Variants in SNRPN observed in about 807,000 individuals in gnomAD.
The protein encoded by SNRPN is small nuclear ribonucleoprotein polypeptide N.
Under a neutral mutation model 25.2 loss-of-function variants are expected in SNRPN, and 7 were observed. That is an observed-to-expected ratio of 0.28 (90% confidence interval 0.16 to 0.52). The LOEUF is 0.52. SNRPN is among the 20% of genes least tolerant of loss of function. The pLI, the probability that SNRPN is intolerant of heterozygous loss-of-function variation, is 0.96. For missense variants in SNRPN, 196 were observed against 322.5 expected (o/e 0.61, Z 3.00); for synonymous variants, 124 against 110.6 (o/e 1.12, Z -0.76).
chr15:24,832,363 G>A (rs61994674), intron 2 of SNRPN, among the ~76,000 whole-genome samples: 24,765 of 152,050 alleles, frequency 0.16, 2,584 homozygotes, highest in East Asian at 0.41. Flanking sequence ...AGGGATTACT[G>A]ACATGGTTGT....
intron 2 of SNRPN, among the ~76,000 whole-genome samples, chr15:24,899,493 C>G (rs905524811): frequency 1.3e-5 from 2 of 152,166 alleles, no homozygotes; most frequent in Non-Finnish European, 2.9e-5. Flanking sequence ...TGTGGTCTCT[C>G]AGCCGTTTCC....
chr15:24,841,527 G>A (rs1220379729), intron 2 of SNRPN, among the ~76,000 whole-genome samples: 1 of 152,070 alleles, frequency 6.6e-6, no homozygotes, highest in Non-Finnish European at 1.5e-5. Flanking sequence ...TGTGGGTTCC[G>A]GTATCCAAGC....
At chr15:24,846,664 G>C (rs2052228668) in intron 2 of SNRPN, among the ~76,000 whole-genome samples, 1 of 152,232 alleles carries the variant, frequency 6.6e-6, no homozygotes, top group South Asian at 2.1e-4. Context: ...TATTCAGGTA[G>C]AGACCAGGGT....
rs745915220 is a variant in SNRPN at position 24,976,291 on chromosome 15, A to T, written c.156-14A>T. ...CTAAAATTTATCTCACTAAAATTTA[A>T]TTCTGATTTGTAGGCCAAAGAATGC... On this transcript the variant is annotated splice_polypyrimidine_tract_variant and intron_variant, in intron 5 of 9. Transcript: ENST00000390687. The T allele has an allele frequency of 1.9e-6, 3 of 1,608,130 alleles. No homozygotes were observed. The highest frequency in any genetic ancestry group is 2.6e-6 in the Non-Finnish European group (3 of 1,174,700).
rs1472618582 is a variant in SNRPN, at chr15:24,923,931, T to A, written c.-391+3807T>A. Among the ~76,000 whole-genome samples the A allele has an allele frequency of 8.9e-4, 116 of 130,778 alleles. 2 individuals are homozygous for A. The highest frequency in any genetic ancestry group is 2.4e-3 in the African/African-American group (84 of 35,052). 85.8% of individuals were successfully genotyped at this position (130,778 alleles called of 152,430 possible). ...TGTGTGTGTATATAAACATTTTTTT[T>A]TTTTTTTTTTTTTTTTTGAGATGGA... On this transcript the variant is annotated intron_variant, in intron 3 of 11. Coordinates refer to the SNRPN transcript ENST00000400097.
chr15:24,976,813 A>G, intron 6 of SNRPN, 64 bp from the exon 7 acceptor site: 1 of 1,436,310 alleles, frequency 7.0e-7, no homozygotes, highest in Non-Finnish European at 9.7e-7. Context: ...GTGATCTCTG[A>G]TGAATAAGAA....
chr15:24,942,399 G>C (rs1425428396), intron 3 of SNRPN: 1 of 152,208 alleles, frequency 6.6e-6, no homozygotes, highest in African/African-American at 2.4e-5. Flanking sequence ...TACTGTAACT[G>C]AATCTTCAAA....
At chr15:24,954,526 G>A (rs1345377556), upstream of SNRPN, among the ~76,000 whole-genome samples, 1 of 152,154 alleles carries the variant, frequency 6.6e-6, no homozygotes, top group Non-Finnish European at 1.5e-5. Context: ...CATGCTTTTA[G>A]AGTTAGGGAT....
intron 3 of SNRPN, among the ~76,000 whole-genome samples, chr15:24,948,674 C>A (rs2062032132): frequency 2.0e-5 from 3 of 152,068 alleles, no homozygotes; most frequent in African/African-American, 7.2e-5. Context: ...GACATTTTCT[C>A]ACTTTGTTTT....
At chr15:24,945,447 G>A (rs1405725730) in intron 3 of SNRPN, among the ~76,000 whole-genome samples, 1 of 151,722 alleles carries the variant, frequency 6.6e-6, no homozygotes, top group Non-Finnish European at 1.5e-5. Flanking sequence ...GCTGAGGCAG[G>A]AGGATCACTT....
At chr15:24,884,038 A>G (rs968339791) in intron 1 of SNRPN, among the ~76,000 whole-genome samples, 4 of 149,226 alleles carry the variant, frequency 2.7e-5, no homozygotes, top group Non-Finnish European at 3.0e-5. Flanking sequence ...AGGGCTGGGC[A>G]TGGTGGCTCA....
intron 1 of SNRPN, among the ~76,000 whole-genome samples, chr15:24,879,229 G>A (rs1566860564): frequency 2.0e-5 from 3 of 152,054 alleles, no homozygotes; most frequent in African/African-American, 2.4e-5. Context: ...GAGCTCGGGG[G>A]TTCGAGACCA....
intron 1 of SNRPN, among the ~76,000 whole-genome samples, chr15:24,881,526 C>CGAGAGAGA (rs758798894): frequency 1.9e-4 from 14 of 72,496 alleles, no homozygotes; most frequent in Non-Finnish European, 2.9e-4. Context: ...AGCGAAACTC[C>CGAGAGAGA]GAGAGAGAGA....
chr15:24,977,869 G>A lies in SNRPN; in HGVS notation c.512G>A (p.Gly171Glu). ...GGAGCCCCAACACAGTACCCACCAG[G>A]ACGGGGCACTCCGCCCCCACCCGTC... is the stretch of plus-strand genomic sequence containing the variant. ...IAGAPTQYPP[G>E]RGTPPPPVGR... Residue 171 changes from glycine to glutamate, a missense_variant, in exon 8 of 10, where the codon GGA (glycine) becomes GAA (glutamate). Gly to Glu is a moderately conservative substitution (Grantham distance 98). Transcript: ENST00000390687. 1 of 1,609,648 alleles carries A rather than the reference G, an allele frequency of 6.2e-7. No homozygotes were observed.
chr15:24,880,381 A>G (rs1001056168), intron 1 of SNRPN, among the ~76,000 whole-genome samples: 5 of 152,138 alleles, frequency 3.3e-5, no homozygotes, highest in African/African-American at 2.4e-5. Context: ...TGGAGCCCGC[A>G]GTCTGCACCA....
intron 2 of SNRPN, among the ~76,000 whole-genome samples, chr15:24,887,675 G>C (rs1436097945): frequency 6.6e-6 from 1 of 152,168 alleles, no homozygotes; most frequent in Non-Finnish European, 1.5e-5. Flanking sequence ...ACTATAGGTG[G>C]AATAGCTGCC....
chr15:24,922,539 C>A (rs1403549962), intron 3 of SNRPN, among the ~76,000 whole-genome samples: 1 of 152,212 alleles, frequency 6.6e-6, no homozygotes, highest in African/African-American at 2.4e-5. Context: ...TGAATCTTGA[C>A]CTTTTATTCT....
intron 1 of SNRPN, among the ~76,000 whole-genome samples, chr15:24,825,860 G>C (rs2140962048): frequency 6.6e-6 from 1 of 152,218 alleles, no homozygotes; most frequent in South Asian, 2.1e-4. Context: ...CAATTATAAA[G>C]TTGGGAAATC....
At chr15:24,871,173 G>A (rs953412318) in intron 1 of SNRPN, among the ~76,000 whole-genome samples, 1 of 152,120 alleles carries the variant, frequency 6.6e-6, no homozygotes, top group African/African-American at 2.4e-5. Flanking sequence ...TTACAGGCGT[G>A]AGCCACCATG....
Sources: gnomAD v4.1 joint callset for allele counts (sites outside exome capture counted in the v4.1 genomes callset) on GRCh38, gnomAD v4.1.1 for gene constraint, MANE v1.5 for transcripts, NCBI Gene and HGNC (gene_info 2026-07-23, HGNC 2026-07-21) for gene names.